The following COMMD10 variants were observed in gnomAD, a reference collection of about 807,000 sequenced individuals.
The protein encoded by COMMD10 is COMM domain containing 10, also known as COMM domain-containing protein 10.
Under a neutral mutation model 28.9 loss-of-function variants are expected in COMMD10, and 33 were observed. The observed-to-expected ratio is 1.14, with a 90% CI of 0.87 to 1.53. COMMD10 has a LOEUF of 1.53. COMMD10 is among the 40% of genes most tolerant of loss of function. COMMD10 has a pLI of 0.00. For synonymous variants in COMMD10, 110 were observed against 81.7 expected, an observed-to-expected ratio of 1.35 and a Z score of -1.87; for missense variants, 310 against 233.4, an observed-to-expected ratio of 1.33 and a Z score of -2.14.
intron 5 of COMMD10, among the ~76,000 whole-genome samples, chr5:116,280,394 G>T (rs1488649459): frequency 6.6e-5 from 10 of 151,744 alleles, no homozygotes; most frequent in Non-Finnish European, 1.3e-4. Context: ...TATCCCTTTG[G>T]TTGCCAAGAT....
intron 4 of COMMD10, among the ~76,000 whole-genome samples, chr5:116,109,182 C>T (rs924303194): frequency 1.3e-5 from 2 of 152,190 alleles, no homozygotes; most frequent in African/African-American, 4.8e-5. Context: ...TCTTTTGACC[C>T]ATGAGCATGG....
At chr5:116,218,009 A>T in intron 5 of COMMD10, 1 of 1,005,252 alleles carries the variant, frequency 9.9e-7, no homozygotes, top group Non-Finnish European at 1.6e-6. Context: ...ACAGTTATCA[A>T]AAATGCACAC....
At chr5:116,230,349 C>T (rs1206918978) in intron 5 of COMMD10, among the ~76,000 whole-genome samples, 1 of 152,016 alleles carries the variant, frequency 6.6e-6, no homozygotes. Context: ...AGATATTTCT[C>T]TACTGTAACC....
At chr5:116,195,348 C>T (rs1022913549) in intron 5 of COMMD10, among the ~76,000 whole-genome samples, 2 of 152,048 alleles carry the variant, frequency 1.3e-5, no homozygotes, top group Admixed American at 6.6e-5. Context: ...TAAAGAGCAT[C>T]CAAATTGGTA....
At chr5:116,094,501 T>C (rs1000920266) in intron 4 of COMMD10, among the ~76,000 whole-genome samples, 7 of 152,142 alleles carry the variant, frequency 4.6e-5, no homozygotes, top group African/African-American at 1.7e-4. Context: ...TGGCTATTAT[T>C]AAAAAGAGAA....
chr5:116,191,503 G>A (rs866069380), intron 5 of COMMD10, among the ~76,000 whole-genome samples: 79 of 151,920 alleles, frequency 5.2e-4, no homozygotes, highest in African/African-American at 1.8e-3. Flanking sequence ...GCTGGGTGAC[G>A]CCTGTGACTG....
chr5:116,230,501 C>CTGAAAAT (rs1208633024), intron 5 of COMMD10, among the ~76,000 whole-genome samples: 56 of 151,906 alleles, frequency 3.7e-4, no homozygotes, highest in African/African-American at 1.3e-3. Context: ...CTAATAAATA[C>CTGAAAAT]CTGCTGAATT....
intron 5 of COMMD10, among the ~76,000 whole-genome samples, chr5:116,203,439 C>G (rs1192956676): frequency 6.6e-6 from 1 of 151,962 alleles, no homozygotes; most frequent in Non-Finnish European, 1.5e-5. Context: ...ACATAATTGT[C>G]ACATTCACCA....
intron 2 of COMMD10, among the ~76,000 whole-genome samples, chr5:116,088,914 T>C (rs17138866): frequency 0.11 from 16,971 of 152,216 alleles, 1,382 homozygotes; most frequent in African/African-American, 0.22. Context: ...GATTATGTCT[T>C]ACTCATCTTT....
intron 1 of COMMD10, chr5:116,085,411 C>T (rs1750060953): frequency 2.5e-6 from 1 of 397,562 alleles, no homozygotes. Flanking sequence ...TTCCCGGGTG[C>T]TGCCTTCAGT....
In COMMD10 at chr5:116,152,900, A is replaced by C. The variant is rs1440616876; in HGVS notation, c.510+18722A>C. 1.3e-5 allele frequency among the ~76,000 whole-genome samples: 2 copies of C among 152,222 alleles called. 1 individual carries two copies. Among genetic ancestry groups the C allele is most frequent in the Middle Eastern group, 6.8e-3 (2 of 294 alleles). ...TTAATTTGTGAAATCTTTTTTTGCT[A>C]TAAACAGATGAGTACAATAATTTAT... On this transcript the variant is annotated intron_variant, in intron 5 of 6. Transcript: ENST00000274458.
intron 5 of COMMD10, among the ~76,000 whole-genome samples, chr5:116,148,414 A>G (rs181237944): frequency 4.5e-4 from 68 of 151,968 alleles, no homozygotes; most frequent in African/African-American, 1.6e-3. Context: ...TTTCAGACAT[A>G]AAGAAGTTCT....
At chr5:116,141,897 A>T (rs926046835) in intron 5 of COMMD10, among the ~76,000 whole-genome samples, 32 of 151,932 alleles carry the variant, frequency 2.1e-4, no homozygotes, top group African/African-American at 7.7e-4. Context: ...TAAATGTAGG[A>T]TAATGTCATC....
chr5:116,272,018 C>G (rs986202821), intron 5 of COMMD10, among the ~76,000 whole-genome samples: 9 of 151,716 alleles, frequency 5.9e-5, no homozygotes, highest in Non-Finnish European at 1.2e-4. Flanking sequence ...ATTCAGTCCT[C>G]TGTGAAATAC....
chr5:116,094,652 C>G (rs902698757), intron 4 of COMMD10, among the ~76,000 whole-genome samples: 2 of 152,124 alleles, frequency 1.3e-5, no homozygotes, highest in Non-Finnish European at 1.5e-5. Context: ...CCACACAGTC[C>G]AGTAATTCCA....
chr5:116,205,444 A>G (rs1748786783), intron 5 of COMMD10, among the ~76,000 whole-genome samples: 1 of 152,192 alleles, frequency 6.6e-6, no homozygotes, highest in Non-Finnish European at 1.5e-5. Flanking sequence ...ACCTGGAGGA[A>G]AAGATTCCAG....
At chr5:116,213,533 G>A (rs192472937) in intron 5 of COMMD10, among the ~76,000 whole-genome samples, 17 of 152,168 alleles carry the variant, frequency 1.1e-4, no homozygotes, top group Non-Finnish European at 1.5e-4. Context: ...TTGTGTATAC[G>A]TGCATACACA....
At chr5:116,135,702 C>T (rs1752005957) in intron 5 of COMMD10, among the ~76,000 whole-genome samples, 2 of 152,120 alleles carry the variant, frequency 1.3e-5, no homozygotes, top group African/African-American at 4.8e-5. Flanking sequence ...TAATCTCTTA[C>T]AGTGCCTAAT....
At chr5:116,145,460 G>C (rs1243028574) in intron 5 of COMMD10, among the ~76,000 whole-genome samples, 5 of 151,860 alleles carry the variant, frequency 3.3e-5, no homozygotes, top group Admixed American at 6.6e-5. Context: ...CTATGAAAGA[G>C]TAAATTTTAG....
Sources: gnomAD v4.1 joint callset for allele counts (sites outside exome capture counted in the v4.1 genomes callset) on GRCh38, gnomAD v4.1.1 for gene constraint, MANE v1.5 for transcripts, NCBI Gene and HGNC (gene_info 2026-07-23, HGNC 2026-07-21) for gene names.